Variants in ZNF532 observed in about 807,000 individuals in gnomAD.
ZNF532 encodes the protein zinc finger protein 532.
Under a neutral mutation model 89.3 loss-of-function variants are expected in ZNF532, and 22 were observed. That is an observed-to-expected ratio of 0.25 (90% CI 0.18 to 0.35). The LOEUF (loss-of-function observed/expected upper bound fraction) is 0.35. ZNF532 is among the 10% of genes least tolerant of loss of function. The pLI, the probability that ZNF532 is intolerant of heterozygous loss-of-function variation, is 1.00. For missense variants in ZNF532, 1,132 were observed against 1,643.4 expected (o/e 0.69, Z 5.38); for synonymous variants, 606 against 649.6 (o/e 0.93, Z 1.02).
intron 7 of ZNF532, among the ~76,000 whole-genome samples, chr18:58,960,454 A>T (rs2065239099): frequency 6.6e-6 from 1 of 152,194 alleles, no homozygotes; most frequent in Non-Finnish European, 1.5e-5. Context: ...AGAAGGTTGG[A>T]TAGATTCGGA....
chr18:58,934,466 A>C lies in ZNF532; in HGVS notation c.2380A>C (p.Asn794His), dbSNP rs1259724370. The C allele has an allele frequency of 6.2e-7, 1 of 1,613,846 alleles. No homozygotes were observed. The highest frequency in any genetic ancestry group is 8.5e-7 in the Non-Finnish European group (1 of 1,179,902). Residue 794 changes from asparagine to histidine, a missense_variant, in exon 4 of 10, where the codon AAC becomes CAC. By Grantham distance (68) the Asn-to-His change is moderately conservative (BLOSUM62 1). This residue lies in a region of ZNF532 where 100 missense variants were observed against 122.0 expected (regional missense o/e 0.82). Coordinates refer to ENST00000591808, the MANE Select transcript of ZNF532 (RefSeq NM_001375912.1). ...TCTICQMLLPNQCSYASHQRI... is the reference protein window; with the variant it reads ...TCTICQMLLPHQCSYASHQRI... ...CACTATCTGCCAGATGCTGCTTCCTAACCAGTGCAGTTATGCATCACACCA... is the reference window on the plus strand; with the variant it reads ...CACTATCTGCCAGATGCTGCTTCCTCACCAGTGCAGTTATGCATCACACCA...
At chr18:58,927,815 G>C (rs1435899535) in intron 3 of ZNF532, among the ~76,000 whole-genome samples, 1 of 152,132 alleles carries the variant, frequency 6.6e-6, no homozygotes, top group African/African-American at 2.4e-5. Context: ...CCCAATCTCT[G>C]TTTTTGCAAT....
chr18:58,961,220 AGCTGAT>A (rs1271411369), intron 7 of ZNF532, among the ~76,000 whole-genome samples: 1 of 152,200 alleles, frequency 6.6e-6, no homozygotes, highest in Non-Finnish European at 1.5e-5. Flanking sequence ...CACAAGCCCT[AGCTGAT>A]GCTGATGCTG....
chr18:58,881,415 G>A (rs146148438), intron 2 of ZNF532, among the ~76,000 whole-genome samples: 1,769 of 152,302 alleles, frequency 0.012, 20 homozygotes, highest in Non-Finnish European at 0.017. Context: ...TTACACGCAT[G>A]AGCCACTGCA....
Position 58,960,140 on chromosome 18 carries a change from T to C in ZNF532, c.3150+6341T>C, listed in dbSNP as rs532586907. Among the ~76,000 whole-genome samples, 9 of 152,354 alleles carry C rather than the reference T, an allele frequency of 5.9e-5. 1 individual carries two copies. In the South Asian group the frequency reaches 1.0e-3, roughly 18 times the overall value. ...CTTTAGTAGAGACAGGGTTTCACCC[T>C]GTTGCCCAGGCTGGTCTTGAACTCC... is the stretch of plus-strand genomic sequence containing the variant. On this transcript the variant is annotated intron_variant, in intron 7 of 9. Transcript: ENST00000591808.
rs896896280 is a variant in ZNF532, at chr18:58,984,612, C to T, written c.*146C>T. The T allele has an allele frequency of 1.9e-5, 17 of 912,542 alleles. No homozygotes were observed. In the East Asian group the frequency reaches 2.7e-4, roughly 14 times the overall value. 56.5% of individuals were successfully genotyped at this position (912,542 alleles called of 1,614,324 possible). A position where few individuals can be genotyped will look rare whatever the true frequency, so the allele number is the denominator to read the frequency against. ...TTCAATGTACCTTCCTTCACCTCGT[C>T]GTATATATCCTCGATAAGTATTAAA... On this transcript the variant is annotated 3_prime_UTR_variant, in exon 10 of 10. Transcript: ENST00000591808.
upstream of ZNF532, chr18:58,863,163 T>A (rs1602391556): frequency 6.6e-6 from 1 of 152,114 alleles, no homozygotes; most frequent in African/African-American, 2.4e-5. Context: ...TTCCTTCCAC[T>A]CGAGTAAGTC....
intron 2 of ZNF532, among the ~76,000 whole-genome samples, chr18:58,894,049 G>A (rs139484403): frequency 3.9e-5 from 6 of 152,344 alleles, no homozygotes; most frequent in East Asian, 3.9e-4. Flanking sequence ...CATCATTTCC[G>A]TGTTGGAGTA....
At chr18:58,888,315 A>C (rs1434613351) in intron 2 of ZNF532, among the ~76,000 whole-genome samples, 1 of 152,190 alleles carries the variant, frequency 6.6e-6, no homozygotes, top group Non-Finnish European at 1.5e-5. Context: ...CTTAGAATGT[A>C]CAATGTCACG....
At position 58,920,230 on chromosome 18, in the gene ZNF532, A is replaced by G. The variant is rs1308025065; in HGVS notation, c.1943A>G (p.His648Arg). 3.7e-6 allele frequency: 6 copies of G among 1,613,848 alleles called. No homozygotes were observed. The highest frequency in any genetic ancestry group is 1.7e-5 in the Admixed American group (1 of 60,002). ...RSVRIEVTCN[H>R]CTKNLVFYNK... The stretch of plus-strand genomic sequence containing the variant: ...GTGCGCATCGAAGTAACGTGCAACC[A>G]TTGTACAAAGAACCTCGTTTTTTAC... Residue 648 changes from histidine to arginine, a missense_variant, in exon 3 of 10, where the codon CAT becomes CGT. By Grantham distance (29) the His-to-Arg change is conservative. Transcript: ENST00000591808.
chr18:58,875,814 T>C (rs189535856), intron 2 of ZNF532, among the ~76,000 whole-genome samples: 1 of 152,290 alleles, frequency 6.6e-6, no homozygotes, highest in African/African-American at 2.4e-5. Flanking sequence ...TACCACTTTG[T>C]ACATCTTTTC....
intron 2 of ZNF532, among the ~76,000 whole-genome samples, chr18:58,868,193 C>A (rs2056650786): frequency 6.6e-6 from 1 of 152,348 alleles, no homozygotes; most frequent in African/African-American, 2.4e-5. Context: ...CTCCATTCCC[C>A]ATCATGTACT....
intron 2 of ZNF532, among the ~76,000 whole-genome samples, chr18:58,914,679 C>T (rs988452880): frequency 3.3e-5 from 5 of 151,882 alleles, no homozygotes; most frequent in Admixed American, 1.3e-4. Context: ...GACTCCGTCT[C>T]GGAAAAAATA....
At chr18:58,879,997 A>C (rs1383066911) in intron 2 of ZNF532, among the ~76,000 whole-genome samples, 3 of 152,214 alleles carry the variant, frequency 2.0e-5, no homozygotes, top group African/African-American at 7.2e-5. Context: ...GGGCAAGGAC[A>C]GGATGAATAC....
intron 2 of ZNF532, among the ~76,000 whole-genome samples, chr18:58,878,825 A>G (rs536489506): frequency 6.6e-5 from 10 of 152,364 alleles, no homozygotes; most frequent in South Asian, 6.2e-4. Context: ...CAAGAACTCA[A>G]GCGTCATCTT....
intron 2 of ZNF532, among the ~76,000 whole-genome samples, chr18:58,869,947 T>A (rs1305208954): frequency 6.6e-6 from 1 of 151,838 alleles, no homozygotes; most frequent in African/African-American, 2.4e-5. Flanking sequence ...TTTGTATTTT[T>A]AGTAGAGATG....
At chr18:58,870,580 G>T (rs1025621382) in intron 2 of ZNF532, among the ~76,000 whole-genome samples, 3 of 152,066 alleles carry the variant, frequency 2.0e-5, no homozygotes, top group Non-Finnish European at 2.9e-5. Flanking sequence ...CAGAAAAGAC[G>T]GACCTTTCGT....
intron 9 of ZNF532, 41 bp from the exon 10 acceptor site, chr18:58,983,931 G>T: frequency 6.4e-7 from 1 of 1,569,576 alleles, no homozygotes; most frequent in Non-Finnish European, 8.6e-7. Flanking sequence ...CACCGTGAAG[G>T]ATGGTTTTCA....
intron 2 of ZNF532, among the ~76,000 whole-genome samples, chr18:58,908,134 T>C (rs1331949807): frequency 6.6e-6 from 1 of 152,254 alleles, no homozygotes. Flanking sequence ...TAAATATCAG[T>C]AGCCCCTTTC....
Sources: allele counts gnomAD v4.1 joint callset (sites outside exome capture counted in the v4.1 genomes callset), GRCh38; gene constraint gnomAD v4.1.1; regional missense constraint gnomAD v4.1.1; transcripts MANE v1.5; gene names NCBI Gene and HGNC (gene_info 2026-07-23, HGNC 2026-07-21).